The following GTF2A1 variants were observed in gnomAD, a reference collection of about 807,000 sequenced individuals.
GTF2A1 encodes general transcription factor IIA subunit 1, also known as transcription initiation factor IIA subunit 1.
A neutral mutation model predicts 54.1 loss-of-function variants in GTF2A1; 12 were observed. The ratio of observed to expected loss-of-function variants is 0.22; its 90% confidence interval spans 0.14 to 0.36. The LOEUF (loss-of-function observed/expected upper bound fraction) is 0.36, where lower values mean the gene tolerates loss of function less well. Ranked by LOEUF, GTF2A1 falls within the 10% of genes least tolerant of loss-of-function variation. The probability of loss-of-function intolerance (pLI) is 1.00; values close to 1 mark genes in which losing one functional copy is unlikely to be tolerated. For synonymous variants in GTF2A1, 145 were observed against 152.0 expected, an observed-to-expected ratio of 0.95 and a Z score of 0.34; for missense variants, 335 against 442.2, an observed-to-expected ratio of 0.76 and a Z score of 2.17.
intron 2 of GTF2A1, among the ~76,000 whole-genome samples, chr14:81,205,071 T>G (rs913859395): frequency 5.3e-5 from 8 of 152,216 alleles, no homozygotes; most frequent in African/African-American, 1.9e-4. Flanking sequence ...TATCAGATCC[T>G]TCAAGAACTT....
rs559897618 is a variant in GTF2A1 at position 81,195,897 on chromosome 14, T to A, written c.612+211A>T. On this transcript the variant is annotated intron_variant, in intron 6 of 8. Transcript: ENST00000553612. ...AGTGCTGCCACCTTCGAGGGGATGATGAAGGATGGGCAGAGACAACAGTAA... is the reference window on the plus strand; with the variant it reads ...AGTGCTGCCACCTTCGAGGGGATGAAGAAGGATGGGCAGAGACAACAGTAA... 2.6e-5 allele frequency among the ~76,000 whole-genome samples: 4 copies of A among 152,236 alleles called. No individual in the cohort carries two copies. In the South Asian group the frequency reaches 6.2e-4, roughly 24 times the overall value.
chr14:81,199,098 C>T (rs1296849483), intron 4 of GTF2A1, among the ~76,000 whole-genome samples: 1 of 152,064 alleles, frequency 6.6e-6, no homozygotes, highest in Non-Finnish European at 1.5e-5. Context: ...CCACCACATA[C>T]TATTAAGAAA....
intron 8 of GTF2A1, among the ~76,000 whole-genome samples, chr14:81,182,609 C>T (rs1228497983): frequency 6.6e-6 from 1 of 152,032 alleles, no homozygotes; most frequent in Non-Finnish European, 1.5e-5. Flanking sequence ...ATTATAATAT[C>T]CCCCTAAATA....
chr14:81,197,442 C>T lies in GTF2A1; in HGVS notation c.445G>A (p.Val149Met). 6.3e-7 allele frequency: 1 copy of T among 1,591,038 alleles called. No homozygotes were observed. The highest frequency in any genetic ancestry group is 8.6e-7 in the Non-Finnish European group (1 of 1,163,528). ...GTTAATATCTGCTGAACAGGAGTCACACCTGCAGGGAGTGCTAAGGTAGCA... is the reference window on the plus strand; with the variant it reads ...GTTAATATCTGCTGAACAGGAGTCATACCTGCAGGGAGTGCTAAGGTAGCA... ...TAATLALPAG[V>M]TPVQQILTNS... Residue 149 changes from valine (V) to methionine (M), a missense_variant, in exon 5 of 9, where the codon GTG becomes ATG. By Grantham distance (21) the Val-to-Met change is conservative (BLOSUM62 1). Coordinates refer to ENST00000553612, the MANE Select transcript of GTF2A1 (RefSeq NM_015859.4).
At chr14:81,202,254 T>C (rs566105701) in intron 3 of GTF2A1, among the ~76,000 whole-genome samples, 1 of 152,270 alleles carries the variant, frequency 6.6e-6, no homozygotes, top group African/African-American at 2.4e-5. Flanking sequence ...TTTTCAAACA[T>C]AATTTTGTCT....
In GTF2A1 at chr14:81,175,981, ACATCT is replaced by A. The variant is rs1334379128; in HGVS notation, c.*4237_*4241del. The A allele has an allele frequency of 2.0e-5, 3 of 152,184 alleles. No individual in the cohort carries two copies. Among genetic ancestry groups the A allele is most frequent in the African/African-American group, 7.2e-5 (3 of 41,458 alleles). The allele number at this position is 152,184 out of a possible 1,614,324, so 9.4% of individuals were successfully genotyped here. On this transcript the variant is annotated 3_prime_UTR_variant, in exon 9 of 9. Coordinates refer to ENST00000553612, the MANE Select transcript of GTF2A1 (RefSeq NM_015859.4). ...TAACACAGTTTACTAATTCAAATTG[ACATCT>A]CAATCTACTTATCTTTAAGGTACAG...
intron 6 of GTF2A1, 87 bp downstream of exon 6, chr14:81,196,021 G>A (rs1892985278): frequency 9.4e-6 from 11 of 1,175,838 alleles, no homozygotes; most frequent in Non-Finnish European, 1.3e-5. Context: ...AGAGTCTTTT[G>A]TGCATATAAG....
chr14:81,220,788 G>A lies in GTF2A1; in HGVS notation c.-270C>T. The A allele has an allele frequency of 2.9e-6, 1 of 348,866 alleles. No homozygotes were observed. The highest frequency in any genetic ancestry group is 8.8e-5 in the South Asian group (1 of 11,320). 21.6% of individuals were successfully genotyped at this position (348,866 alleles called of 1,614,324 possible). A position where few individuals can be genotyped will look rare whatever the true frequency, so the allele number is the denominator to read the frequency against. On this transcript the variant is annotated 5_prime_UTR_variant, in exon 1 of 9. Coordinates refer to ENST00000553612, the MANE Select transcript of GTF2A1 (RefSeq NM_015859.4). ...TTCAGGGGTCCGGGGGGCGTTGCCC[G>A]CTCCCCACCCCGCGCCAAGGAGGGA...
In GTF2A1 at chr14:81,178,448, AAATT is replaced by A. The variant is rs1309801768; in HGVS notation, c.*1771_*1774del. On this transcript the variant is annotated 3_prime_UTR_variant, in exon 9 of 9. Coordinates refer to ENST00000553612, the MANE Select transcript of GTF2A1 (RefSeq NM_015859.4). Reference sequence around the variant, plus strand: ...TAAACAAACTTCCCCTCAAAAAACTAAATTAATATAGTCAAAATAAAAGCTGTAT... The same window carrying A: ...TAAACAAACTTCCCCTCAAAAAACTAAATATAGTCAAAATAAAAGCTGTAT... 1.3e-5 allele frequency: 2 copies of A among 152,170 alleles called. No individual in the cohort carries two copies. Among genetic ancestry groups the A allele is most frequent in the African/African-American group, 2.4e-5 (1 of 41,442 alleles). 9.4% of individuals were successfully genotyped at this position (152,170 alleles called of 1,614,324 possible). A position where few individuals can be genotyped will look rare whatever the true frequency, so the allele number is the denominator to read the frequency against.
chr14:81,191,054 C>G (rs1054527100), intron 7 of GTF2A1, among the ~76,000 whole-genome samples: 24 of 152,240 alleles, frequency 1.6e-4, no homozygotes, highest in African/African-American at 5.8e-4. Context: ...TCAATAAGCA[C>G]TTCTATACAA....
intron 6 of GTF2A1, among the ~76,000 whole-genome samples, chr14:81,194,668 C>A (rs1032954893): frequency 1.7e-4 from 26 of 152,268 alleles, no homozygotes; most frequent in African/African-American, 6.3e-4. Context: ...GAATATAACA[C>A]AAGTAGATCC....
intron 1 of GTF2A1, among the ~76,000 whole-genome samples, chr14:81,219,373 A>T (rs1317136840): frequency 6.6e-6 from 1 of 152,248 alleles, no homozygotes; most frequent in East Asian, 1.9e-4. Flanking sequence ...CACTATTTAA[A>T]GCCGGATCTG....
At chr14:81,185,996 G>A (rs1024053640) in intron 7 of GTF2A1, among the ~76,000 whole-genome samples, 2 of 152,120 alleles carry the variant, frequency 1.3e-5, no homozygotes, top group Non-Finnish European at 2.9e-5. Context: ...GGCACTACTG[G>A]CACGCGCCAC....
At position 81,196,085 on chromosome 14, in the gene GTF2A1, A is replaced by T. The variant is rs1274147483; in HGVS notation, c.612+23T>A. 4.4e-6 allele frequency: 7 copies of T among 1,607,848 alleles called. No individual in the cohort carries two copies. The African/African-American group carries it at 9.4e-5, about 21-fold the overall frequency. Reference sequence around the variant, plus strand: ...CAGAATAAAACAGAACCCCATACTGATCATAATAGAAGATTATTTTACCTG... The same window carrying T: ...CAGAATAAAACAGAACCCCATACTGTTCATAATAGAAGATTATTTTACCTG... On this transcript the variant is annotated intron_variant, in intron 6 of 8. Transcript: ENST00000553612.
In GTF2A1 at chr14:81,177,302, A is replaced by G. The variant is rs1242380472; in HGVS notation, c.*2921T>C. On this transcript the variant is annotated 3_prime_UTR_variant, in exon 9 of 9. Transcript: ENST00000553612. ...GAAATGTGAACATTTAAAAAATAGA[A>G]AAGCCCAACATAAAGATCCCCCTCA... The G allele has an allele frequency of 6.6e-6, 1 of 152,122 alleles. No homozygotes were observed. The highest frequency in any genetic ancestry group is 6.5e-5 in the Admixed American group (1 of 15,276). The allele number at this position is 152,122 out of a possible 1,614,324, so 9.4% of individuals were successfully genotyped here.
chr14:81,200,470 C>T (rs1399505613), intron 4 of GTF2A1, among the ~76,000 whole-genome samples: 2 of 151,722 alleles, frequency 1.3e-5, no homozygotes, highest in Non-Finnish European at 2.9e-5. Context: ...ACTAAAAGTA[C>T]AAAAAAATTA....
chr14:81,209,957 A>G (rs985524749), intron 2 of GTF2A1: 1 of 1,132,508 alleles, frequency 8.8e-7, no homozygotes, highest in African/African-American at 1.6e-5. Flanking sequence ...AGAAGGGAAA[A>G]CAAAACTATT....
At chr14:81,194,433 G>T (rs1283716845) in intron 6 of GTF2A1, among the ~76,000 whole-genome samples, 1 of 152,204 alleles carries the variant, frequency 6.6e-6, no homozygotes, top group African/African-American at 2.4e-5. Flanking sequence ...TTGCCAGACG[G>T]CATTCTTAAG....
intron 4 of GTF2A1, among the ~76,000 whole-genome samples, chr14:81,201,112 G>T (rs1893100645): frequency 6.6e-6 from 1 of 152,154 alleles, no homozygotes; most frequent in African/African-American, 2.4e-5. Flanking sequence ...AATGTATTCT[G>T]TGGTAATTTA....
Sources: gnomAD v4.1 joint callset for allele counts (sites outside exome capture counted in the v4.1 genomes callset) on GRCh38, gnomAD v4.1.1 for gene constraint, MANE v1.5 for transcripts, NCBI Gene and HGNC (gene_info 2026-07-23, HGNC 2026-07-21) for gene names.